RPS6KC1: variants seen among roughly 807,000 people sequenced by gnomAD.
The protein encoded by RPS6KC1 is ribosomal protein S6 kinase C1.
In RPS6KC1, 54 loss-of-function variants were observed where a neutral mutation model predicts 103.8. That is an observed-to-expected ratio of 0.52 (90% CI 0.42 to 0.65). The LOEUF (loss-of-function observed/expected upper bound fraction) is 0.65, where lower values mean the gene tolerates loss of function less well. Ranked by LOEUF, RPS6KC1 falls within the 30% of genes least tolerant of loss-of-function variation. The pLI, the probability that RPS6KC1 is intolerant of heterozygous loss-of-function variation, is 0.00. For synonymous variants in RPS6KC1, 439 were observed against 438.7 expected (o/e 1.00, Z -0.01); for missense variants, 1,151 against 1,253.8 (o/e 0.92, Z 1.24).
rs1238175580 is a variant in RPS6KC1 at position 213,115,676 on chromosome 1, C to A, written c.379-1641C>A. On this transcript the variant is annotated intron_variant, in intron 4 of 14. Coordinates refer to ENST00000366960, the MANE Select transcript of RPS6KC1 (RefSeq NM_012424.6). ...GTCAATTTTGGATCTTTCCTGCTTT[C>A]TCTTGTGGGCATTTAGTGCTATAAA... Among the ~76,000 whole-genome samples, 418 of 151,822 alleles carry A rather than the reference C, an allele frequency of 2.8e-3. 4 individuals are homozygous for A. Among genetic ancestry groups the A allele is most frequent in the African/African-American group, 9.6e-3 (399 of 41,476 alleles).
chr1:213,138,242 TACC>T (rs2086608737), intron 6 of RPS6KC1, among the ~76,000 whole-genome samples: 1 of 152,192 alleles, frequency 6.6e-6, no homozygotes, highest in Non-Finnish European at 1.5e-5. Context: ...TGTACAGGCT[TACC>T]TTGTTTTGTT....
chr1:213,100,280 T>C (rs2081900574), intron 3 of RPS6KC1, among the ~76,000 whole-genome samples: 2 of 123,844 alleles, frequency 1.6e-5, no homozygotes, highest in Admixed American at 1.4e-4. Context: ...AGTATCTGTT[T>C]ACATCTTTTG....
chr1:213,778,928 G>C, the RPS6KC1 span, among the ~76,000 whole-genome samples: 10 of 152,038 alleles, frequency 6.6e-5, no homozygotes, highest in African/African-American at 2.4e-4. Context: ...TTTGTTAAGG[G>C]CTCCTGAGGC....
At chr1:213,619,218 AC>A in the RPS6KC1 span, among the ~76,000 whole-genome samples, 1 of 152,190 alleles carries the variant, frequency 6.6e-6, no homozygotes, top group Non-Finnish European at 1.5e-5. Context: ...TGATCACAAG[AC>A]AGCTGCAGTA....
chr1:213,488,592 G>A, the RPS6KC1 span, among the ~76,000 whole-genome samples: 1 of 152,208 alleles, frequency 6.6e-6, no homozygotes, highest in African/African-American at 2.4e-5. Flanking sequence ...GTCCTCTAGA[G>A]TAGATTGACC....
intron 4 of RPS6KC1, among the ~76,000 whole-genome samples, chr1:213,111,671 G>A (rs1276242680): frequency 6.6e-6 from 1 of 152,090 alleles, no homozygotes; most frequent in African/African-American, 2.4e-5. Flanking sequence ...TATTTTGCAT[G>A]AAATATGTAA....
chr1:213,321,166 AGTTTT>A, the RPS6KC1 span, among the ~76,000 whole-genome samples: 9 of 152,246 alleles, frequency 5.9e-5, no homozygotes, highest in Non-Finnish European at 1.2e-4. Context: ...TGGACCAGAC[AGTTTT>A]CAGAGCCTTT....
intron 8 of RPS6KC1, among the ~76,000 whole-genome samples, chr1:213,201,249 A>G (rs2093152034): frequency 6.6e-6 from 1 of 152,254 alleles, no homozygotes; most frequent in African/African-American, 2.4e-5. Flanking sequence ...ACTGTGGTAC[A>G]TTTAGACAAT....
chr1:213,425,420 A>G, the RPS6KC1 span, among the ~76,000 whole-genome samples: 5 of 152,202 alleles, frequency 3.3e-5, no homozygotes, highest in African/African-American at 1.2e-4. Context: ...AGAAAAAAAA[A>G]GAGAGATACA....
chr1:213,219,593 A>G (rs1193987230), intron 8 of RPS6KC1, among the ~76,000 whole-genome samples: 1 of 152,198 alleles, frequency 6.6e-6, no homozygotes, highest in African/African-American at 2.4e-5. Context: ...ACAATAGCAA[A>G]GACTTAGAAC....
At chr1:213,542,191 C>T in the RPS6KC1 span, among the ~76,000 whole-genome samples, 7 of 152,246 alleles carry the variant, frequency 4.6e-5, no homozygotes, top group African/African-American at 1.4e-4. Flanking sequence ...TGCTGATTAA[C>T]TTGGTATGTT....
the RPS6KC1 span, among the ~76,000 whole-genome samples, chr1:213,414,849 C>G: frequency 1.3e-5 from 2 of 152,148 alleles, no homozygotes; most frequent in Non-Finnish European, 1.5e-5. Context: ...TTTTCCATAA[C>G]TTGGAAAACC....
the RPS6KC1 span, among the ~76,000 whole-genome samples, chr1:213,425,737 C>T: frequency 6.6e-6 from 1 of 152,176 alleles, no homozygotes; most frequent in Non-Finnish European, 1.5e-5. Flanking sequence ...TGCAGGAGGG[C>T]TTTGCCAACC....
chr1:213,166,724 A>G (rs192545119), intron 6 of RPS6KC1, among the ~76,000 whole-genome samples: 10 of 152,330 alleles, frequency 6.6e-5, no homozygotes, highest in Admixed American at 3.3e-4. Flanking sequence ...CGAAATTGCA[A>G]TCCCAACTTT....
the RPS6KC1 span, among the ~76,000 whole-genome samples, chr1:213,406,291 G>C: frequency 1.3e-5 from 2 of 152,236 alleles, no homozygotes; most frequent in Non-Finnish European, 2.9e-5. Context: ...CTGGAAGTTT[G>C]ATGATGGTAG....
intron 8 of RPS6KC1, among the ~76,000 whole-genome samples, chr1:213,203,165 G>T (rs1007816967): frequency 6.6e-6 from 1 of 152,122 alleles, no homozygotes; most frequent in Non-Finnish European, 1.5e-5. Flanking sequence ...TTCAGATTTT[G>T]AAGTTTTTCA....
chr1:213,066,146 G>C (rs1411736270), intron 1 of RPS6KC1, among the ~76,000 whole-genome samples: 1 of 152,192 alleles, frequency 6.6e-6, no homozygotes, highest in South Asian at 2.1e-4. Flanking sequence ...GCCTTGAACA[G>C]TATTAGCACA....
At chr1:213,799,351 G>A in the RPS6KC1 span, among the ~76,000 whole-genome samples, 3 of 152,130 alleles carry the variant, frequency 2.0e-5, no homozygotes, top group Admixed American at 6.5e-5. Flanking sequence ...TAAATCATTA[G>A]GGATGGTGTT....
chr1:213,429,438 A>G, the RPS6KC1 span, among the ~76,000 whole-genome samples: 4 of 152,236 alleles, frequency 2.6e-5, no homozygotes, highest in African/African-American at 9.6e-5. Context: ...GTGAGCCACC[A>G]TGCTAGGCCA....
Sources: allele counts gnomAD v4.1 joint callset (sites outside exome capture counted in the v4.1 genomes callset), GRCh38; gene constraint gnomAD v4.1.1; transcripts MANE v1.5; gene names NCBI Gene and HGNC (gene_info 2026-07-23, HGNC 2026-07-21).